RAPGEF6: variants seen among roughly 807,000 people sequenced by gnomAD.
The protein encoded by RAPGEF6 is Rap guanine nucleotide exchange factor 6, also known as PDZ domain containing guanine nucleotide exchange factor (GEF) 2.
In RAPGEF6, 56 loss-of-function variants were observed where a neutral mutation model predicts 171.4. The observed-to-expected ratio is 0.33, with a 90% CI of 0.26 to 0.41. RAPGEF6 has a LOEUF of 0.41. RAPGEF6 is among the 10% of genes least tolerant of loss of function. The probability of loss-of-function intolerance (pLI) is 1.00; values close to 1 mark genes in which losing one functional copy is unlikely to be tolerated. For missense variants in RAPGEF6, 1,674 were observed against 1,921.4 expected (o/e 0.87, Z 2.41); for synonymous variants, 692 against 650.1 (o/e 1.06, Z -0.98).
intron 21 of RAPGEF6, among the ~76,000 whole-genome samples, chr5:131,451,881 A>T (rs1454157777): frequency 2.6e-5 from 4 of 152,196 alleles, no homozygotes; most frequent in Non-Finnish European, 5.9e-5. Context: ...GCCCAAAAGG[A>T]AATCAGATCA....
chr5:131,486,040 T>A (rs955909215), intron 15 of RAPGEF6, among the ~76,000 whole-genome samples: 1 of 152,220 alleles, frequency 6.6e-6, no homozygotes, highest in African/African-American at 2.4e-5. Context: ...ATAATCTAAG[T>A]CCAGGGCCAA....
chr5:131,534,021 C>A (rs368949354), intron 6 of RAPGEF6, among the ~76,000 whole-genome samples: 1 of 152,056 alleles, frequency 6.6e-6, no homozygotes, highest in East Asian at 1.9e-4. Flanking sequence ...CTCCTAGTGG[C>A]CAAAGAAAGA....
chr5:131,539,501 TC>T (rs748386505), intron 6 of RAPGEF6, among the ~76,000 whole-genome samples: 1 of 152,298 alleles, frequency 6.6e-6, no homozygotes, highest in Non-Finnish European at 1.5e-5. Context: ...TGTACCAAAG[TC>T]CTCTAGTTTC....
chr5:131,496,668 G>C (rs1756660031), intron 12 of RAPGEF6, among the ~76,000 whole-genome samples: 2 of 152,068 alleles, frequency 1.3e-5, no homozygotes, highest in African/African-American at 4.8e-5. Context: ...GGTTCATCAT[G>C]GTGTAGTAAG....
chr5:131,491,420 T>C (rs1197214901), intron 14 of RAPGEF6, among the ~76,000 whole-genome samples: 1 of 152,128 alleles, frequency 6.6e-6, no homozygotes, highest in East Asian at 1.9e-4. Flanking sequence ...CATTCTAAAA[T>C]GAAAGAACAA....
chr5:131,612,691 A>G (rs982883806), intron 1 of RAPGEF6, among the ~76,000 whole-genome samples: 14 of 152,182 alleles, frequency 9.2e-5, no homozygotes, highest in African/African-American at 3.4e-4. Flanking sequence ...AAGTTAGGTT[A>G]TGGCAAACAG....
intron 4 of RAPGEF6, among the ~76,000 whole-genome samples, chr5:131,576,555 T>C (rs1762616154): frequency 6.6e-6 from 1 of 152,178 alleles, no homozygotes; most frequent in South Asian, 2.1e-4. Context: ...GCCGGAGTCA[T>C]TCACCGCAAG....
At chr5:131,431,688 G>A (rs1167283550) in intron 25 of RAPGEF6, among the ~76,000 whole-genome samples, 4 of 151,328 alleles carry the variant, frequency 2.6e-5, no homozygotes, top group African/African-American at 2.4e-5. Context: ...TTACAGGCAC[G>A]ATCATGATGC....
chr5:131,557,505 T>A (rs1761311831), intron 5 of RAPGEF6, among the ~76,000 whole-genome samples: 1 of 152,212 alleles, frequency 6.6e-6, no homozygotes, highest in African/African-American at 2.4e-5. Flanking sequence ...ACAAATCATG[T>A]CATCTGTAAA....
intron 3 of RAPGEF6, among the ~76,000 whole-genome samples, chr5:131,601,861 G>A (rs1363985185): frequency 3.3e-5 from 5 of 151,638 alleles, no homozygotes; most frequent in South Asian, 2.1e-4. Context: ...GTGAAACCCC[G>A]TCTCTACTAA....
intron 24 of RAPGEF6, among the ~76,000 whole-genome samples, chr5:131,437,631 A>AG (rs1481789796): frequency 2.0e-5 from 3 of 152,248 alleles, no homozygotes; most frequent in Non-Finnish European, 4.4e-5. Context: ...AAAATTACAT[A>AG]TGAGCTACAA....
intron 25 of RAPGEF6, among the ~76,000 whole-genome samples, chr5:131,432,953 T>G (rs1751798754): frequency 6.6e-6 from 1 of 152,088 alleles, no homozygotes; most frequent in African/African-American, 2.4e-5. Flanking sequence ...AAATAGAAAT[T>G]TAGAGTTGAT....
At chr5:131,614,724 C>G (rs1383381796) in intron 1 of RAPGEF6, among the ~76,000 whole-genome samples, 1 of 152,208 alleles carries the variant, frequency 6.6e-6, no homozygotes, top group Non-Finnish European at 1.5e-5. Context: ...GTCCACAGTG[C>G]AAACTGTGGC....
chr5:131,545,193 A>G (rs1760437471), intron 6 of RAPGEF6, among the ~76,000 whole-genome samples: 2 of 152,202 alleles, frequency 1.3e-5, no homozygotes, highest in Admixed American at 1.3e-4. Flanking sequence ...ATGTACAACA[A>G]AACTATAAAA....
intron 24 of RAPGEF6, among the ~76,000 whole-genome samples, chr5:131,433,915 C>A (rs1751867279): frequency 6.6e-6 from 1 of 152,194 alleles, no homozygotes; most frequent in Non-Finnish European, 1.5e-5. Flanking sequence ...CAGTGTTACT[C>A]AGAAAACTAG....
rs1766559513 is a variant in RAPGEF6 at position 131,635,107 on chromosome 5, G to A, written c.-77C>T. On this transcript the variant is annotated 5_prime_UTR_variant, in exon 1 of 28. Coordinates refer to ENST00000509018, the MANE Select transcript of RAPGEF6 (RefSeq NM_016340.6). ...TCATTCACACTAGGTAGCGGGTGCG[G>A]TACCTTTCCCCCGCCCCAAGGAGGG... 3 of 1,398,526 alleles carry A rather than the reference G, an allele frequency of 2.1e-6. No individual in the cohort carries two copies. Among genetic ancestry groups the A allele is most frequent in the African/African-American group, 1.4e-5 (1 of 69,348 alleles). 86.6% of individuals were successfully genotyped at this position (1,398,526 alleles called of 1,614,324 possible).
intron 9 of RAPGEF6, 25 bp downstream of exon 9, chr5:131,508,046 G>GT: frequency 6.5e-7 from 1 of 1,537,654 alleles, no homozygotes; most frequent in South Asian, 1.2e-5. Context: ...CATAATAAAT[G>GT]TATGTAATTT....
rs75854604 is a variant in RAPGEF6 at position 131,553,173 on chromosome 5, G to A, written c.352-4983C>T. Among the ~76,000 whole-genome samples, 50 of 152,256 alleles carry A rather than the reference G, an allele frequency of 3.3e-4. No homozygotes were observed. In the East Asian group the frequency reaches 9.3e-3, roughly 28 times the overall value. ...ATGAAGAGACCCTGCTGAAGCACAAGAGCACAGAGAAGGCCTAAAACTGAG... is the reference window on the plus strand; with the variant it reads ...ATGAAGAGACCCTGCTGAAGCACAAAAGCACAGAGAAGGCCTAAAACTGAG... On this transcript the variant is annotated intron_variant, in intron 5 of 27. Transcript: ENST00000509018.
At chr5:131,597,109 A>G (rs1454595690) in intron 3 of RAPGEF6, among the ~76,000 whole-genome samples, 2 of 152,204 alleles carry the variant, frequency 1.3e-5, no homozygotes. Context: ...GCCAATAGGT[A>G]TATAAAAAAA....
Sources: gnomAD v4.1 joint callset for allele counts (sites outside exome capture counted in the v4.1 genomes callset) on GRCh38, gnomAD v4.1.1 for gene constraint, MANE v1.5 for transcripts, NCBI Gene and HGNC (gene_info 2026-07-23, HGNC 2026-07-21) for gene names.